Variants in SREBF2 observed in about 807,000 individuals in gnomAD.
SREBF2 encodes the protein sterol regulatory element-binding protein 2.
Under a neutral mutation model 113.1 loss-of-function variants are expected in SREBF2, and 55 were observed. The observed-to-expected ratio is 0.49, with a 90% CI of 0.39 to 0.61. SREBF2 has a LOEUF of 0.61. SREBF2 is among the 20% of genes least tolerant of loss of function. The pLI, the probability that SREBF2 is intolerant of heterozygous loss-of-function variation, is 0.00. For synonymous variants in SREBF2, 593 were observed against 605.7 expected (o/e 0.98, Z 0.31); for missense variants, 1,349 against 1,487.4 (o/e 0.91, Z 1.53).
chr22:41,877,296 G>A lies in SREBF2; in HGVS notation c.1454G>A (p.Cys485Tyr). ...GTAGACCGCTCACGGATTCTTCTGT[G>A]TGTCCTCACCTTCCTGTGCCTCTCC... ...GMVDRSRILL[C>Y]VLTFLCLSFN... Residue 485 changes from cysteine (C) to tyrosine (Y), a missense_variant, in exon 8 of 19, where the codon TGT becomes TAT. By Grantham distance (194) the Cys-to-Tyr change is radical. This residue lies in a region of SREBF2 where 699 missense variants were observed against 843.3 expected (regional missense o/e 0.83). Transcript: ENST00000361204. 1 of 1,614,190 alleles carries A rather than the reference G, an allele frequency of 6.2e-7. No homozygotes were observed. The highest frequency in any genetic ancestry group is 8.5e-7 in the Non-Finnish European group (1 of 1,180,040).
chr22:41,870,964 A>G lies in SREBF2; in HGVS notation c.796A>G (p.Met266Val). 4 of 1,614,086 alleles carry G rather than the reference A, an allele frequency of 2.5e-6. No homozygotes were observed. Among genetic ancestry groups the G allele is most frequent in the Non-Finnish European group, 3.4e-6 (4 of 1,180,014 alleles). Residue 266 changes from methionine (M) to valine (V), a missense_variant, in exon 4 of 19, where the codon ATG (methionine) becomes GTG (valine). Physicochemically the swap from Met to Val is conservative, Grantham distance 21. Coordinates refer to ENST00000361204, the MANE Select transcript of SREBF2 (RefSeq NM_004599.4). ...TTLKTDGSPVMAAVQNPALTA... is the reference protein window; with the variant it reads ...TTLKTDGSPVVAAVQNPALTA... Reference sequence around the variant, plus strand: ...ACTGAAGACAGATGGCAGCCCTGTTATGGCTGCGGTCCAGAACCCGGCCCT... The same window carrying G: ...ACTGAAGACAGATGGCAGCCCTGTTGTGGCTGCGGTCCAGAACCCGGCCCT...
In SREBF2 at chr22:41,902,820, G is replaced by A. The variant is rs189113338; in HGVS notation, c.2908-150G>A. The A allele has an allele frequency of 3.9e-3, 3,328 of 861,092 alleles. 121 individuals are homozygous for A. In the Admixed American group the frequency reaches 0.062, roughly 16 times the overall value. The allele number at this position is 861,092 out of a possible 1,614,324, so 53.3% of individuals were successfully genotyped here. A position where few individuals can be genotyped will look rare whatever the true frequency, so the allele number is the denominator to read the frequency against. ...GTTCTCCCCTGAGCTGTTCCCTCACGTCCTGCGGAGTTCACCAGACTCTGG... is the reference window on the plus strand; with the variant it reads ...GTTCTCCCCTGAGCTGTTCCCTCACATCCTGCGGAGTTCACCAGACTCTGG... On this transcript the variant is annotated intron_variant, in intron 16 of 18. Coordinates refer to ENST00000361204, the MANE Select transcript of SREBF2 (RefSeq NM_004599.4).
chr22:41,891,055 T>C (rs1372938228), intron 11 of SREBF2, among the ~76,000 whole-genome samples: 2 of 152,162 alleles, frequency 1.3e-5, no homozygotes, highest in African/African-American at 4.8e-5. Flanking sequence ...GAGGGACCAG[T>C]TGGTCCTCAG....
intron 1 of SREBF2, among the ~76,000 whole-genome samples, chr22:41,837,052 C>G (rs1187244030): frequency 6.6e-6 from 1 of 152,070 alleles, no homozygotes; most frequent in Non-Finnish European, 1.5e-5. Context: ...TTCTCTCTCA[C>G]GAAGCTTACA....
chr22:41,891,602 A>C (rs1007864006), intron 11 of SREBF2, among the ~76,000 whole-genome samples: 23 of 152,194 alleles, frequency 1.5e-4, no homozygotes, highest in African/African-American at 5.5e-4. Flanking sequence ...AAGCCGTTAC[A>C]TTCGCTGATG....
Position 41,833,441 on chromosome 22 carries a change from C to G in SREBF2, c.88+83C>G. On this transcript the variant is annotated intron_variant, in intron 1 of 18. Coordinates refer to ENST00000361204, the MANE Select transcript of SREBF2 (RefSeq NM_004599.4). The surrounding 1 kb of genome is among the most constrained non-coding windows in gnomAD (Gnocchi z 4.1). ...GCGCGCCCGGGTGCGCGTGCGCCCACCCCCCGACAGCCCCGGTTCGCGCGG... is the reference window on the plus strand; with the variant it reads ...GCGCGCCCGGGTGCGCGTGCGCCCAGCCCCCGACAGCCCCGGTTCGCGCGG... 8.9e-6 allele frequency: 11 copies of G among 1,235,068 alleles called. No homozygotes were observed. The highest frequency in any genetic ancestry group is 1.1e-5 in the Non-Finnish European group (10 of 887,270). 76.5% of individuals were successfully genotyped at this position (1,235,068 alleles called of 1,614,324 possible).
intron 10 of SREBF2, among the ~76,000 whole-genome samples, chr22:41,882,761 G>A (rs2077260434): frequency 6.6e-6 from 1 of 152,150 alleles, no homozygotes; most frequent in Admixed American, 6.5e-5. Context: ...AGCCAAGATG[G>A]CACCACTGCA....
At chr22:41,889,423 G>T (rs1279939559) in intron 11 of SREBF2, among the ~76,000 whole-genome samples, 1 of 152,080 alleles carries the variant, frequency 6.6e-6, no homozygotes, top group Non-Finnish European at 1.5e-5. Context: ...CACCGCGCCT[G>T]GCCTCTGTTA....
intron 11 of SREBF2, among the ~76,000 whole-genome samples, chr22:41,887,857 G>C (rs1011541607): frequency 5.9e-5 from 9 of 152,160 alleles, no homozygotes; most frequent in African/African-American, 1.9e-4. Flanking sequence ...AGCCCTTCTA[G>C]TGTATCTCAT....
chr22:41,872,933 C>T (rs908794157), intron 4 of SREBF2, among the ~76,000 whole-genome samples: 1 of 152,030 alleles, frequency 6.6e-6, no homozygotes, highest in Non-Finnish European at 1.5e-5. Context: ...CGTGGTGGCT[C>T]ACGCCTGTAA....
intron 5 of SREBF2, among the ~76,000 whole-genome samples, chr22:41,874,298 G>A (rs2077172943): frequency 6.6e-6 from 1 of 152,200 alleles, no homozygotes; most frequent in African/African-American, 2.4e-5. Flanking sequence ...GGCAGAGAAA[G>A]ATGCCTGCCA....
At chr22:41,904,538 G>A (rs767385596) in intron 17 of SREBF2, 4 of 558,276 alleles carry the variant, frequency 7.2e-6, no homozygotes, top group Non-Finnish European at 1.4e-5. Context: ...ACTGCAGGCA[G>A]CCTCCAGGGC....
At chr22:41,851,543 G>C (rs1004802102) in intron 1 of SREBF2, among the ~76,000 whole-genome samples, 4 of 152,000 alleles carry the variant, frequency 2.6e-5, no homozygotes, top group Admixed American at 6.6e-5. Flanking sequence ...CCCCAGTCTG[G>C]AGTGCAATGG....
At position 41,897,107 on chromosome 22, in the gene SREBF2, G is replaced by T. The variant is rs778146010; in HGVS notation, c.2551G>T (p.Val851Leu). ...ATTACTTCATTCTTTTGTGGACTCT[G>T]TGGGGGTTATGAGCCCCCCACTCTC... is the stretch of plus-strand genomic sequence containing the variant. The part of the protein sequence containing the change: ...LKLLHSFVDS[V>L]GVMSPPLSRS... Residue 851 changes from valine to leucine, a missense_variant, in exon 14 of 19, where the codon GTG becomes TTG. Physicochemically the swap from Val to Leu is conservative, Grantham distance 32. Transcript: ENST00000361204. 6.2e-7 allele frequency: 1 copy of T among 1,612,924 alleles called. No individual in the cohort carries two copies. Among genetic ancestry groups the T allele is most frequent in the East Asian group, 2.2e-5 (1 of 44,880 alleles).
At chr22:41,850,399 C>A (rs1459978714) in intron 1 of SREBF2, among the ~76,000 whole-genome samples, 1 of 150,944 alleles carries the variant, frequency 6.6e-6, no homozygotes. Flanking sequence ...TGCAGTGAGC[C>A]GAGATGGTGC....
intron 12 of SREBF2, 123 bp from the exon 13 acceptor site, chr22:41,894,694 TTGG>T: frequency 1.2e-6 from 1 of 833,508 alleles, no homozygotes; most frequent in South Asian, 1.3e-5. Flanking sequence ...GTTCTGGGCT[TTGG>T]TGGAGAAGGG....
chr22:41,896,340 T>C (rs1232267797), intron 13 of SREBF2, among the ~76,000 whole-genome samples: 1 of 152,002 alleles, frequency 6.6e-6, no homozygotes, highest in African/African-American at 2.4e-5. Context: ...GTCACTTTTG[T>C]TTTTTGTTAT....
At chr22:41,878,796 G>T in intron 9 of SREBF2, 4 of 1,240,268 alleles carry the variant, frequency 3.2e-6, no homozygotes, top group Non-Finnish European at 4.3e-6. Context: ...TCTGCAAGCT[G>T]CAGGGCCATT....
intron 1 of SREBF2, among the ~76,000 whole-genome samples, chr22:41,853,602 T>C (rs1602282794): frequency 6.6e-6 from 1 of 152,144 alleles, no homozygotes; most frequent in African/African-American, 2.4e-5. Flanking sequence ...GAAATCCTTC[T>C]GTATTTACAT....
Sources: gnomAD v4.1 joint callset for allele counts (sites outside exome capture counted in the v4.1 genomes callset) on GRCh38, gnomAD v4.1.1 for gene constraint, gnomAD v4.1.1 regional missense constraint, Gnocchi (gnomAD v3.1) non-coding constraint, MANE v1.5 for transcripts, NCBI Gene and HGNC (gene_info 2026-07-23, HGNC 2026-07-21) for gene names.